Variants in MGAT4B observed in about 807,000 individuals in gnomAD.
The protein encoded by MGAT4B is N-acetylglucosaminyltransferase IVb.
In MGAT4B, 38 loss-of-function variants were observed where a neutral mutation model predicts 73.9. The ratio of observed to expected loss-of-function variants is 0.51; its 90% confidence interval spans 0.40 to 0.67. The LOEUF is 0.67. MGAT4B is among the 30% of genes least tolerant of loss of function. MGAT4B has a pLI of 0.00. For synonymous variants in MGAT4B, 373 were observed against 313.5 expected (o/e 1.19, Z -2.01); for missense variants, 686 against 735.2 (o/e 0.93, Z 0.77).
At chr5:179,800,997 C>T in intron 4 of MGAT4B, 44 bp from the exon 5 acceptor site, 1 of 1,607,916 alleles carries the variant, frequency 6.2e-7, no homozygotes, top group Non-Finnish European at 8.5e-7. Flanking sequence ...GCTGCTGCCC[C>T]AAAAGGCCTG....
intron 6 of MGAT4B, 76 bp downstream of exon 6, chr5:179,800,408 C>G (rs1174981657): frequency 1.1e-5 from 16 of 1,423,356 alleles, no homozygotes; most frequent in Non-Finnish European, 1.5e-5. Context: ...GGGAAACACC[C>G]TGGACTCAAA....
chr5:179,803,346 C>A, intron 1 of MGAT4B: 1 of 890,136 alleles, frequency 1.1e-6, no homozygotes, highest in South Asian at 5.1e-5. Flanking sequence ...CCACGCTGGG[C>A]TCAGGGGCTC....
In MGAT4B at chr5:179,804,571, C is replaced by T. The variant is rs532964435; in HGVS notation, c.97+1916G>A. Among the ~76,000 whole-genome samples, 3 of 152,322 alleles carry T rather than the reference C, an allele frequency of 2.0e-5. No homozygotes were observed. In the East Asian group the frequency reaches 5.8e-4, roughly 29 times the overall value. On this transcript the variant is annotated intron_variant, in intron 1 of 14. Transcript: ENST00000292591. ...TCTCCAGGGTCCATTTTGCGTTGGT[C>T]TAAGAGGCCGTCCTGGGCTTGACCT...
At position 179,806,015 on chromosome 5, in the gene MGAT4B, C is replaced by T. The variant is rs1420557713; in HGVS notation, c.97+472G>A. Among the ~76,000 whole-genome samples the T allele has an allele frequency of 6.7e-6, 1 of 150,198 alleles. No homozygotes were observed. The highest frequency in any genetic ancestry group is 1.5e-5 in the Non-Finnish European group (1 of 67,346). On this transcript the variant is annotated intron_variant, in intron 1 of 14. Coordinates refer to ENST00000292591, the MANE Select transcript of MGAT4B (RefSeq NM_014275.5). The surrounding 1 kb of genome is among the most constrained non-coding windows in gnomAD (Gnocchi z 4.6). ...CTCCCTCCCTCCCACAGGCCGGATG[C>T]TGCCGACGCGTTCTGGGCGCCGAAG... is the stretch of plus-strand genomic sequence containing the variant.
chr5:179,804,501 C>T (rs1208556057), intron 1 of MGAT4B, among the ~76,000 whole-genome samples: 6 of 152,196 alleles, frequency 3.9e-5, no homozygotes, highest in Admixed American at 1.3e-4. Context: ...TGAGCGCTGG[C>T]AGAGCTGCTG....
intron 1 of MGAT4B, chr5:179,803,433 G>C (rs1374639950): frequency 1.4e-5 from 3 of 221,904 alleles, no homozygotes; most frequent in Non-Finnish European, 2.3e-5. Context: ...GTGACACCAG[G>C]TGTAGGCAGC....
At position 179,802,357 on chromosome 5, in the gene MGAT4B, C is replaced by T; in HGVS notation, c.98-388G>A. 3 of 1,304,522 alleles carry T rather than the reference C, an allele frequency of 2.3e-6. No homozygotes were observed. In the South Asian group the frequency reaches 6.5e-5, roughly 28 times the overall value. The allele number at this position is 1,304,522 out of a possible 1,614,324, so 80.8% of individuals were successfully genotyped here. A position where few individuals can be genotyped will look rare whatever the true frequency, so the allele number is the denominator to read the frequency against. ...ACTCTTGCTTTTTGCAGCACACGCT[C>T]CCTCCAGCGGGTGGGCTACCCAAGG... On this transcript the variant is annotated intron_variant, in intron 1 of 14. Coordinates refer to ENST00000292591, the MANE Select transcript of MGAT4B (RefSeq NM_014275.5).
At chr5:179,800,621 C>T (rs747561118) in intron 5 of MGAT4B, 24 bp from the exon 6 acceptor site, 38 of 1,505,676 alleles carry the variant, frequency 2.5e-5, no homozygotes, top group African/African-American at 9.6e-5. Context: ...AGGCCTAGTC[C>T]GTATGCAGCC....
Position 179,801,018 on chromosome 5 carries a change from G to A in MGAT4B, c.559-65C>T, listed in dbSNP as rs138066380. On this transcript the variant is annotated intron_variant, in intron 4 of 14. Coordinates refer to ENST00000292591, the MANE Select transcript of MGAT4B (RefSeq NM_014275.5). The surrounding 1 kb of genome is among the most constrained non-coding windows in gnomAD (Gnocchi z 4.8). ...GCCCCAAAAGGCCTGGAAGGGCTTG[G>A]AGAAGGGGCACAGGCTTCAGATGCC... 1,777 of 1,575,308 alleles carry A rather than the reference G, an allele frequency of 1.1e-3. 17 individuals are homozygous for A. The African/African-American group carries it at 0.021, about 18-fold the overall frequency.
chr5:179,802,261 T>C, intron 1 of MGAT4B: 6 of 1,418,602 alleles, frequency 4.2e-6, no homozygotes, highest in Non-Finnish European at 3.7e-6. Flanking sequence ...CAGACCTAGG[T>C]AGGTGGATCC....
chr5:179,802,347 A>G, intron 1 of MGAT4B: 1 of 1,332,892 alleles, frequency 7.5e-7, no homozygotes, highest in Middle Eastern at 2.9e-4. Context: ...TGCTTTTTGC[A>G]GCACACGCTC....
intron 1 of MGAT4B, among the ~76,000 whole-genome samples, chr5:179,805,780 G>A (rs577855691): frequency 1.3e-3 from 204 of 152,366 alleles, no homozygotes; most frequent in African/African-American, 4.8e-3. Context: ...GCCTCCGAGG[G>A]CTCAGGCCCT....
At chr5:179,800,800 C>T (rs538850025) in intron 5 of MGAT4B, 107 bp downstream of exon 5, 2 of 1,327,136 alleles carry the variant, frequency 1.5e-6, no homozygotes, top group Non-Finnish European at 2.1e-6. Context: ...CCCTGCCTCC[C>T]CACGAGATAG....
chr5:179,801,501 T>A lies in MGAT4B; in HGVS notation c.425-34A>T. 6.2e-7 allele frequency: 1 copy of A among 1,602,642 alleles called. No homozygotes were observed. The highest frequency in any genetic ancestry group is 8.5e-7 in the Non-Finnish European group (1 of 1,172,838). The stretch of plus-strand genomic sequence containing the variant: ...GACGGAGGCCCGACGCTGGAAAGGG[T>A]GCGGGGGCCACCCGTCCCCCCACCC... On this transcript the variant is annotated intron_variant, in intron 3 of 14. Transcript: ENST00000292591. This position sits in a 1 kb window ranked among gnomAD's most constrained non-coding sequence, Gnocchi z 4.8.
intron 1 of MGAT4B, chr5:179,804,887 A>C (rs1757078271): frequency 6.6e-6 from 1 of 152,230 alleles, no homozygotes; most frequent in Admixed American, 6.5e-5. Context: ...GGGTCACCAC[A>C]GAAACAGTGA....
In MGAT4B at chr5:179,797,706, A is replaced by G. The variant is rs1756704262; in HGVS notation, c.*339T>C. ...TATCCAAGAATAAAAAACACAGCACATAAAGTAGTATATGCATTCCAGTGT... is the reference window on the plus strand; with the variant it reads ...TATCCAAGAATAAAAAACACAGCACGTAAAGTAGTATATGCATTCCAGTGT... On this transcript the variant is annotated 3_prime_UTR_variant, in exon 15 of 15. Coordinates refer to ENST00000292591, the MANE Select transcript of MGAT4B (RefSeq NM_014275.5). 2 of 265,570 alleles carry G rather than the reference A, an allele frequency of 7.5e-6. No homozygotes were observed. Among genetic ancestry groups the G allele is most frequent in the African/African-American group, 4.5e-5 (2 of 44,002 alleles). The allele number at this position is 265,570 out of a possible 1,614,324, so 16.5% of individuals were successfully genotyped here.
In MGAT4B at chr5:179,801,995, G is replaced by A. The variant is rs566560707; in HGVS notation, c.98-26C>T. 19 of 1,613,468 alleles carry A rather than the reference G, an allele frequency of 1.2e-5. No individual in the cohort carries two copies. The South Asian group carries it at 1.4e-4, about 12-fold the overall frequency. On this transcript the variant is annotated intron_variant, in intron 1 of 14. Coordinates refer to ENST00000292591, the MANE Select transcript of MGAT4B (RefSeq NM_014275.5). This position sits in a 1 kb window ranked among gnomAD's most constrained non-coding sequence, Gnocchi z 4.8. ...CTGCAGGTGGTAGGCAAGCCGTCAC[G>A]AGGGGGCGGTCTAGAGCCACCCTAC...
chr5:179,800,843 T>G, intron 5 of MGAT4B, 64 bp downstream of exon 5: 2 of 1,565,466 alleles, frequency 1.3e-6, no homozygotes, highest in South Asian at 2.2e-5. Context: ...GGCAGGAACC[T>G]GCCAGCACAA....
In MGAT4B at chr5:179,801,922, G is replaced by A. The variant is rs770051764; in HGVS notation, c.145C>T (p.Arg49Trp). The change falls in exon 2 of 15, where the codon CGG (arginine) becomes TGG (tryptophan). Residue 49 changes from arginine to tryptophan, a missense_variant. By Grantham distance (101) the Arg-to-Trp change is moderately radical. Around this residue, in one of 2 missense-constraint regions of MGAT4B, gnomAD observed 237 missense variants for 198.5 expected, o/e 1.19. Transcript: ENST00000292591. The surrounding 1 kb of genome is among the most constrained non-coding windows in gnomAD (Gnocchi z 4.8). ...CTCTCCTGCTCAGCTGCGTGCAACCGATCGCGCAGCGCCAGGAACTCCCGC... is the reference window on the plus strand; with the variant it reads ...CTCTCCTGCTCAGCTGCGTGCAACCAATCGCGCAGCGCCAGGAACTCCCGC... ...YQREFLALRD[R>W]LHAAEQESLK... 5 of 1,613,192 alleles carry A rather than the reference G, an allele frequency of 3.1e-6. No individual in the cohort carries two copies. The highest frequency in any genetic ancestry group is 1.7e-5 in the Admixed American group (1 of 60,004).
Sources: gnomAD v4.1 joint callset for allele counts (sites outside exome capture counted in the v4.1 genomes callset) on GRCh38, gnomAD v4.1.1 for gene constraint, gnomAD v4.1.1 regional missense constraint, Gnocchi (gnomAD v3.1) non-coding constraint, MANE v1.5 for transcripts, NCBI Gene and HGNC (gene_info 2026-07-23, HGNC 2026-07-21) for gene names.